PIK3C2G: variants seen among roughly 807,000 people sequenced by gnomAD.
The protein encoded by PIK3C2G is phosphatidylinositol-4-phosphate 3-kinase catalytic subunit type 2 gamma.
PIK3C2G carries 168 observed loss-of-function variants against 181.1 expected under a neutral mutation model. The ratio of observed to expected loss-of-function variants is 0.93; its 90% CI spans 0.82 to 1.05. The LOEUF is 1.05. Among genes scored for constraint, PIK3C2G ranks in the 50% least tolerant of loss-of-function variants. PIK3C2G has a pLI of 0.00. For synonymous variants in PIK3C2G, 573 were observed against 592.2 expected (o/e 0.97, Z 0.47); for missense variants, 1,869 against 1,732.8 (o/e 1.08, Z -1.40).
At chr12:18,258,006 T>C (rs934313180), upstream of PIK3C2G, among the ~76,000 whole-genome samples, 4 of 152,150 alleles carry the variant, frequency 2.6e-5, no homozygotes, top group African/African-American at 7.2e-5. Flanking sequence ...ATGGGAAGTG[T>C]CATTTTTAGA....
At chr12:18,391,908 T>A (rs1943559859) in intron 15 of PIK3C2G, among the ~76,000 whole-genome samples, 2 of 150,092 alleles carry the variant, frequency 1.3e-5, no homozygotes, top group Admixed American at 1.3e-4. Context: ...AGAGAGAGAT[T>A]AAGATATGTA....
intron 11 of PIK3C2G, among the ~76,000 whole-genome samples, chr12:18,349,608 T>G (rs556899995): frequency 6.6e-6 from 1 of 152,288 alleles, no homozygotes; most frequent in South Asian, 2.1e-4. Flanking sequence ...CTCATTCATA[T>G]TTATCCTAAA....
At chr12:18,632,753 C>T (rs74068107) in intron 31 of PIK3C2G, among the ~76,000 whole-genome samples, 1 of 152,116 alleles carries the variant, frequency 6.6e-6, no homozygotes, top group Non-Finnish European at 1.5e-5. Flanking sequence ...AATAAATTAT[C>T]TTTTTCTCAC....
chr12:18,403,556 T>A (rs573517522), intron 16 of PIK3C2G, among the ~76,000 whole-genome samples: 1 of 152,296 alleles, frequency 6.6e-6, no homozygotes, highest in South Asian at 2.1e-4. Flanking sequence ...CTTTGAACAA[T>A]CTATTTTTTT....
chr12:18,422,319 TTA>T (rs752889379), intron 17 of PIK3C2G, among the ~76,000 whole-genome samples: 1 of 138,838 alleles, frequency 7.2e-6, no homozygotes, highest in Admixed American at 8.0e-5. Context: ...CTAGAAAAAT[TTA>T]AAAAAAAAAC....
intron 13 of PIK3C2G, among the ~76,000 whole-genome samples, chr12:18,379,832 C>G (rs1942716702): frequency 6.6e-6 from 1 of 152,098 alleles, no homozygotes; most frequent in Admixed American, 6.5e-5. Context: ...GTTGGATGGT[C>G]CTATCACATG....
chr12:18,421,644 T>C (rs1381184721), intron 17 of PIK3C2G, among the ~76,000 whole-genome samples: 2 of 152,052 alleles, frequency 1.3e-5, no homozygotes, highest in African/African-American at 4.8e-5. Flanking sequence ...ACAGAGTATC[T>C]AATAGATATA....
At chr12:18,401,439 G>GT (rs762897911) in intron 16 of PIK3C2G, among the ~76,000 whole-genome samples, 14 of 152,048 alleles carry the variant, frequency 9.2e-5, no homozygotes, top group Non-Finnish European at 1.5e-4. Context: ...TGGTTTAGAT[G>GT]TAAGAACAGC....
chr12:18,596,276 G>A (rs1947356597), intron 30 of PIK3C2G, among the ~76,000 whole-genome samples: 1 of 151,802 alleles, frequency 6.6e-6, no homozygotes, highest in Non-Finnish European at 1.5e-5. Context: ...CAGGGTCTCC[G>A]AACTGCTAAA....
At chr12:18,400,429 TG>T (rs969965125) in intron 16 of PIK3C2G, among the ~76,000 whole-genome samples, 4 of 152,194 alleles carry the variant, frequency 2.6e-5, no homozygotes, top group Admixed American at 6.5e-5. Flanking sequence ...AAGTCTTCCT[TG>T]GTTTTCCTTT....
At chr12:18,392,757 C>G (rs959803415) in intron 15 of PIK3C2G, among the ~76,000 whole-genome samples, 1 of 152,056 alleles carries the variant, frequency 6.6e-6, no homozygotes, top group African/African-American at 2.4e-5. Context: ...AAGTAAGGAA[C>G]CTATCTTTCT....
chr12:18,633,848 G>A lies in PIK3C2G; in HGVS notation c.4183-6581G>A, dbSNP rs577232736. Among the ~76,000 whole-genome samples, 11 of 152,180 alleles carry A rather than the reference G, an allele frequency of 7.2e-5. No individual in the cohort carries two copies. The South Asian group carries it at 8.3e-4, about 11-fold the overall frequency. ...ACGTTCCTCTCTGTTTTTATGATTC[G>A]GTTTAGAGGAACTAAGATCTCTAGG... is the stretch of plus-strand genomic sequence containing the variant. On this transcript the variant is annotated intron_variant, in intron 31 of 32. Coordinates refer to ENST00000538779, the MANE Select transcript of PIK3C2G (RefSeq NM_001288772.2).
At chr12:18,693,500 C>A in the PIK3C2G span, 35 of 1,610,236 alleles carry the variant, frequency 2.2e-5, no homozygotes, top group Middle Eastern at 7.7e-4. Flanking sequence ...AGTAGCAAAC[C>A]AAACCTCAGC....
chr12:18,605,260 T>C (rs1049497688), intron 30 of PIK3C2G, among the ~76,000 whole-genome samples: 1 of 152,152 alleles, frequency 6.6e-6, no homozygotes, highest in Non-Finnish European at 1.5e-5. Flanking sequence ...TGAACACCTT[T>C]ACACACATAA....
intron 8 of PIK3C2G, among the ~76,000 whole-genome samples, chr12:18,337,531 C>T (rs920358496): frequency 2.6e-5 from 4 of 152,090 alleles, no homozygotes; most frequent in African/African-American, 2.4e-5. Flanking sequence ...AAGTGTGGTG[C>T]CAGCATCTGC....
chr12:18,406,845 C>T (rs566519529), intron 16 of PIK3C2G, among the ~76,000 whole-genome samples: 7 of 151,974 alleles, frequency 4.6e-5, no homozygotes, highest in Non-Finnish European at 1.0e-4. Flanking sequence ...TATTCCCTAT[C>T]GAGGAAGAGT....
At chr12:18,369,195 C>G (rs1485227081) in intron 12 of PIK3C2G, among the ~76,000 whole-genome samples, 1 of 152,178 alleles carries the variant, frequency 6.6e-6, no homozygotes, top group African/African-American at 2.4e-5. Flanking sequence ...CTTCAAGTCT[C>G]TTTGCTCTTT....
upstream of PIK3C2G, among the ~76,000 whole-genome samples, chr12:18,258,550 T>C (rs1035781608): frequency 2.6e-5 from 4 of 152,052 alleles, no homozygotes; most frequent in African/African-American, 9.7e-5. Flanking sequence ...TTTCTATGTC[T>C]AGCTTATTTT....
intron 8 of PIK3C2G, among the ~76,000 whole-genome samples, chr12:18,329,510 A>T (rs1937692477): frequency 6.6e-6 from 1 of 151,988 alleles, no homozygotes; most frequent in East Asian, 1.9e-4. Flanking sequence ...TAAGGTCTCC[A>T]TGAATGGAAT....
Sources: allele counts gnomAD v4.1 joint callset (sites outside exome capture counted in the v4.1 genomes callset), GRCh38; gene constraint gnomAD v4.1.1; transcripts MANE v1.5; gene names NCBI Gene and HGNC (gene_info 2026-07-23, HGNC 2026-07-21).